CAMTA1: variants seen among roughly 807,000 people sequenced by gnomAD.
CAMTA1 encodes the protein calmodulin-binding transcription activator 1.
A neutral mutation model predicts 170.9 loss-of-function variants in CAMTA1; 27 were observed. The observed-to-expected ratio is 0.16, with a 90% CI of 0.12 to 0.22. The LOEUF is 0.22. CAMTA1 is among the 10% of genes least tolerant of loss of function. CAMTA1 has a pLI of 1.00. For synonymous variants in CAMTA1, 833 were observed against 891.5 expected, an observed-to-expected ratio of 0.93 and a Z score of 1.17; for missense variants, 1,619 against 2,217.2, an observed-to-expected ratio of 0.73 and a Z score of 5.42.
intron 3 of CAMTA1, among the ~76,000 whole-genome samples, chr1:6,862,334 C>T (rs1019365323): frequency 1.3e-5 from 2 of 152,172 alleles, no homozygotes; most frequent in African/African-American, 4.8e-5. Context: ...CAAGGTTCGT[C>T]CATGTTGGAG....
chr1:7,432,828 T>C (rs1387913928), intron 5 of CAMTA1, among the ~76,000 whole-genome samples: 1 of 152,250 alleles, frequency 6.6e-6, no homozygotes, highest in Non-Finnish European at 1.5e-5. Context: ...GAGAGGATTA[T>C]TTACGGCCTT....
chr1:7,763,236 T>TC (rs1416445737), intron 22 of CAMTA1, among the ~76,000 whole-genome samples: 2 of 152,232 alleles, frequency 1.3e-5, no homozygotes, highest in African/African-American at 2.4e-5. Context: ...TAATACTTTT[T>TC]CTCTCTCATT....
Position 7,751,411 on chromosome 1 carries a change from A to C in CAMTA1, c.4883+19A>C, listed in dbSNP as rs1048012690. ...AACTCAGGTGGGTGGAGAAGAGCTC[A>C]TGGAGGTAAAGCTCCCTAGGGAAGA... is the stretch of plus-strand genomic sequence containing the variant. On this transcript the variant is annotated intron_variant, in intron 20 of 22. Coordinates refer to ENST00000303635, the MANE Select transcript of CAMTA1 (RefSeq NM_015215.4). 1.4e-5 allele frequency: 22 copies of C among 1,559,816 alleles called. No homozygotes were observed. Among genetic ancestry groups the C allele is most frequent in the Non-Finnish European group, 1.9e-5 (22 of 1,158,038 alleles).
chr1:6,899,558 A>G (rs967748439), intron 3 of CAMTA1, among the ~76,000 whole-genome samples: 3,499 of 82,818 alleles, frequency 0.042, 45 homozygotes, highest in South Asian at 0.056. Flanking sequence ...GCGCGCGCAC[A>G]CACACACACA....
intron 3 of CAMTA1, among the ~76,000 whole-genome samples, chr1:6,997,660 CTT>C (rs111887834): frequency 5.5e-5 from 7 of 127,606 alleles, no homozygotes; most frequent in Non-Finnish European, 9.8e-5. Context: ...TCTTTTCTTT[CTT>C]TTTTTTTTTT....
At position 6,887,628 on chromosome 1, in the gene CAMTA1, A is replaced by G; in HGVS notation, c.234+62418A>G. 6.5e-7 allele frequency: 1 copy of G among 1,533,020 alleles called. No homozygotes were observed. Among genetic ancestry groups the G allele is most frequent in the South Asian group, 1.2e-5 (1 of 83,460 alleles). 95.0% of individuals were successfully genotyped at this position (1,533,020 alleles called of 1,614,324 possible). A position where few individuals can be genotyped will look rare whatever the true frequency, so the allele number is the denominator to read the frequency against. ...AACAGAAATAGAAGCGACGGTTTTG[A>G]CCCATTTTACACCTATTTATTTCAG... is the stretch of plus-strand genomic sequence containing the variant. On this transcript the variant is annotated intron_variant, in intron 3 of 22. Transcript: ENST00000303635. The surrounding 1 kb of genome is among the most constrained non-coding windows in gnomAD (Gnocchi z 4.1).
intron 5 of CAMTA1, among the ~76,000 whole-genome samples, chr1:7,442,552 G>A (rs1196999913): frequency 6.6e-6 from 1 of 152,182 alleles, no homozygotes; most frequent in Non-Finnish European, 1.5e-5. Context: ...GCTAGAAAAA[G>A]AGGCCAAAGC....
intron 22 of CAMTA1, among the ~76,000 whole-genome samples, chr1:7,762,971 A>T (rs552607853): frequency 6.6e-6 from 1 of 152,240 alleles, no homozygotes; most frequent in Non-Finnish European, 1.5e-5. Context: ...ACAATAAAAT[A>T]TGATTTTTAA....
At chr1:7,264,245 C>A (rs971590240) in intron 5 of CAMTA1, among the ~76,000 whole-genome samples, 1 of 152,186 alleles carries the variant, frequency 6.6e-6, no homozygotes, top group African/African-American at 2.4e-5. Flanking sequence ...GATAGCAAGT[C>A]CCTGGTGCAG....
At chr1:7,539,625 C>G (rs1262257984) in intron 6 of CAMTA1, among the ~76,000 whole-genome samples, 1 of 152,206 alleles carries the variant, frequency 6.6e-6, no homozygotes, top group Non-Finnish European at 1.5e-5. Flanking sequence ...CCTATGCAAA[C>G]TGGAACAGTG....
At chr1:7,747,867 C>T in intron 19 of CAMTA1, 86 bp downstream of exon 19, 1 of 745,362 alleles carries the variant, frequency 1.3e-6, no homozygotes, top group East Asian at 2.7e-5. Flanking sequence ...AGCACTACAT[C>T]TAGTACCTCA....
intron 10 of CAMTA1, among the ~76,000 whole-genome samples, chr1:7,676,962 C>T (rs1171365520): frequency 6.6e-6 from 1 of 152,168 alleles, no homozygotes; most frequent in East Asian, 1.9e-4. Context: ...ACGAGACCTG[C>T]CAGGGCCCTG....
chr1:7,343,362 G>A (rs72642812), intron 5 of CAMTA1, among the ~76,000 whole-genome samples: 22 of 152,188 alleles, frequency 1.4e-4, no homozygotes, highest in Non-Finnish European at 2.6e-4. Context: ...CATTCAATTC[G>A]GGAGATCCCT....
intron 4 of CAMTA1, among the ~76,000 whole-genome samples, chr1:7,100,018 G>A (rs190582011): frequency 6.6e-6 from 1 of 152,146 alleles, no homozygotes; most frequent in African/African-American, 2.4e-5. Context: ...GACCCCGGGA[G>A]GGTCTATTGC....
At chr1:7,710,142 C>T (rs542832039) in intron 11 of CAMTA1, among the ~76,000 whole-genome samples, 1 of 152,332 alleles carries the variant, frequency 6.6e-6, no homozygotes, top group African/African-American at 2.4e-5. Context: ...CAGGCCAGAG[C>T]TCAGTATACC....
chr1:6,803,889 T>C (rs550814110), intron 1 of CAMTA1, among the ~76,000 whole-genome samples: 7 of 149,724 alleles, frequency 4.7e-5, no homozygotes, highest in African/African-American at 1.5e-4. Context: ...TGATTAAAAT[T>C]TTTTTTTTTT....
chr1:6,863,313 C>T (rs1332862525), intron 3 of CAMTA1, among the ~76,000 whole-genome samples: 1 of 152,148 alleles, frequency 6.6e-6, no homozygotes, highest in Non-Finnish European at 1.5e-5. Flanking sequence ...CTTTGACCAC[C>T]ATCTCCCCAT....
chr1:7,164,225 A>G lies in CAMTA1; in HGVS notation c.302+72854A>G, dbSNP rs190793849. Among the ~76,000 whole-genome samples, 8 of 152,314 alleles carry G rather than the reference A, an allele frequency of 5.3e-5. No individual in the cohort carries two copies. In the East Asian group the frequency reaches 1.5e-3, roughly 29 times the overall value. ...GTTTTGGCAAATAACAAGGCATGCAATATTGACTAAGAGCCTCCAGGATCC... is the reference window on the plus strand; with the variant it reads ...GTTTTGGCAAATAACAAGGCATGCAGTATTGACTAAGAGCCTCCAGGATCC... On this transcript the variant is annotated intron_variant, in intron 4 of 22. Coordinates refer to ENST00000303635, the MANE Select transcript of CAMTA1 (RefSeq NM_015215.4).
At chr1:7,662,007 C>A in intron 8 of CAMTA1, 141 bp downstream of exon 8, 1 of 1,011,818 alleles carries the variant, frequency 9.9e-7, no homozygotes, top group Non-Finnish European at 1.4e-6. Flanking sequence ...GGCGACACCA[C>A]CGCACCCAGC....
Sources: gnomAD v4.1 joint callset for allele counts (sites outside exome capture counted in the v4.1 genomes callset) on GRCh38, gnomAD v4.1.1 for gene constraint, Gnocchi (gnomAD v3.1) non-coding constraint, MANE v1.5 for transcripts, NCBI Gene and HGNC (gene_info 2026-07-23, HGNC 2026-07-21) for gene names.